The following COL4A6 variants were observed in gnomAD, a reference collection of about 807,000 sequenced individuals.
COL4A6 encodes collagen type IV alpha 6 chain, also known as collagen alpha-6(IV) chain.
Under a neutral mutation model 126.7 loss-of-function variants are expected in COL4A6, and 59 were observed. The observed-to-expected ratio is 0.47, with a 90% confidence interval of 0.38 to 0.58. COL4A6 has a LOEUF of 0.58. COL4A6 is among the 20% of genes least tolerant of loss of function. COL4A6 has a pLI of 0.00. For missense variants in COL4A6, 1,285 were observed against 1,337.3 expected (o/e 0.96, Z 0.61); for synonymous variants, 547 against 496.6 (o/e 1.10, Z -1.35).
At chrX:108,220,785 T>C (rs1206328124) in intron 4 of COL4A6, among the ~76,000 whole-genome samples, 2 of 112,674 alleles carry the variant, frequency 1.8e-5, no homozygotes, top group Non-Finnish European at 3.8e-5. Context: ...GGCTGATCCA[T>C]TGGCAGGCCA....
At chrX:108,329,722 A>G (rs1318696231) in intron 2 of COL4A6, among the ~76,000 whole-genome samples, 1 of 111,442 alleles carries the variant, frequency 9.0e-6, no homozygotes, top group Non-Finnish European at 1.9e-5. Flanking sequence ...ACATGGGAGG[A>G]GTTTCATTGT....
intron 2 of COL4A6, among the ~76,000 whole-genome samples, chrX:108,405,244 G>A (rs930675574): frequency 9.1e-6 from 1 of 109,376 alleles, no homozygotes; most frequent in African/African-American, 3.3e-5. Context: ...TTTCCCCCAG[G>A]CTGGAATGCA....
intron 5 of COL4A6, among the ~76,000 whole-genome samples, chrX:108,214,867 T>C (rs1474732903): frequency 1.8e-5 from 2 of 112,641 alleles, no homozygotes; most frequent in African/African-American, 3.2e-5. Flanking sequence ...GAGGCAGTTG[T>C]TTTGCTGGGG....
At chrX:108,377,563 T>C (rs759584606) in intron 2 of COL4A6, among the ~76,000 whole-genome samples, 1 of 108,780 alleles carries the variant, frequency 9.2e-6, no homozygotes, top group South Asian at 4.0e-4. Context: ...TTTCTTTTTT[T>C]TTTTTTTTTA....
At chrX:108,434,736 A>G (rs891305157) in intron 2 of COL4A6, among the ~76,000 whole-genome samples, 4 of 107,811 alleles carry the variant, frequency 3.7e-5, no homozygotes, top group African/African-American at 1.3e-4. Context: ...GTACTCATAC[A>G]TTTCTATCAG....
rs1173969077 is a variant in COL4A6, at chrX:108,169,520, G to A, written c.3666C>T (p.Gly1222=). 7.4e-6 allele frequency: 9 copies of A among 1,209,927 alleles called. No individual in the cohort carries two copies. Among genetic ancestry groups the A allele is most frequent in the Non-Finnish European group, 8.9e-6 (8 of 895,184 alleles). The change falls in exon 37 of 45, where the codon GGC becomes GGT. Residue 1222 remains glycine, a synonymous_variant. Coordinates refer to ENST00000334504, the MANE Select transcript of COL4A6 (RefSeq NM_033641.4). ...GIGIGAPGKP[G]LRGQKGDRGF... ...CTCGATCACCTTTTTGCCCTCTCAG[G>A]CCCGGCTTCCCTGGAGCTCCGATGC...
intron 3 of COL4A6, among the ~76,000 whole-genome samples, chrX:108,235,973 C>G (rs1053865001): frequency 2.2e-4 from 24 of 110,868 alleles, no homozygotes; most frequent in African/African-American, 7.5e-4. Context: ...GGCAGGAAGT[C>G]CCATGTTCTG....
chrX:108,192,222 G>A (rs1409351744), intron 18 of COL4A6, among the ~76,000 whole-genome samples: 1 of 111,940 alleles, frequency 8.9e-6, no homozygotes, highest in Non-Finnish European at 1.9e-5. Flanking sequence ...GCAAACCTCA[G>A]TGACAGTCTA....
At chrX:108,192,603 T>C (rs1450220725) in intron 17 of COL4A6, 23 bp from the exon 18 acceptor site, 2 of 1,077,423 alleles carry the variant, frequency 1.9e-6, no homozygotes. Flanking sequence ...TGAAAGAAAA[T>C]AGTAAATAAA....
intron 2 of COL4A6, among the ~76,000 whole-genome samples, chrX:108,431,847 G>A (rs2064178067): frequency 8.9e-6 from 1 of 111,789 alleles, no homozygotes; most frequent in Non-Finnish European, 1.9e-5. Flanking sequence ...TCTGAGAGCT[G>A]GGGCAGACTT....
At chrX:108,311,708 A>G (rs2038765213) in intron 2 of COL4A6, among the ~76,000 whole-genome samples, 1 of 111,826 alleles carries the variant, frequency 8.9e-6, no homozygotes, top group African/African-American at 3.3e-5. Flanking sequence ...CAGAGAGGCC[A>G]TTGCTGAGTC....
intron 4 of COL4A6, among the ~76,000 whole-genome samples, chrX:108,220,012 C>T (rs1256364007): frequency 9.0e-6 from 1 of 110,953 alleles, no homozygotes; most frequent in Non-Finnish European, 1.9e-5. Flanking sequence ...TACCTGCTGC[C>T]ATCTGGGGAA....
intron 3 of COL4A6, among the ~76,000 whole-genome samples, chrX:108,228,352 C>G (rs2036224029): frequency 8.9e-6 from 1 of 112,247 alleles, no homozygotes; most frequent in African/African-American, 3.2e-5. Context: ...TGGCCCATCA[C>G]CAACCTAATT....
At chrX:108,333,885 A>G (rs188218336) in intron 2 of COL4A6, among the ~76,000 whole-genome samples, 160 of 111,614 alleles carry the variant, frequency 1.4e-3, no homozygotes, top group African/African-American at 5.0e-3. Flanking sequence ...CACTGGTGAA[A>G]GAAATTGTAG....
intron 3 of COL4A6, among the ~76,000 whole-genome samples, chrX:108,284,987 T>A (rs186059111): frequency 2.8e-3 from 313 of 111,720 alleles, no homozygotes; most frequent in African/African-American, 9.5e-3. Flanking sequence ...TCTACCCCTA[T>A]CCTTCCTTTT....
intron 20 of COL4A6, 84 bp from the exon 21 acceptor site, chrX:108,188,761 GAAC>G: frequency 4.3e-6 from 4 of 927,349 alleles, no homozygotes; most frequent in Non-Finnish European, 4.3e-6. Context: ...TTTGTGACTT[GAAC>G]AACTCCATAG....
rs765997772 is a variant in COL4A6 at position 108,296,995 on chromosome X, C to T, written c.144+13753G>A. On this transcript the variant is annotated intron_variant, in intron 3 of 44. Coordinates refer to ENST00000334504, the MANE Select transcript of COL4A6 (RefSeq NM_033641.4). Reference sequence around the variant, plus strand: ...ACTGAGAGATTACCATTGTAATTAACAATGTGTTTGTCACTTGTGACCTTT... The same window carrying T: ...ACTGAGAGATTACCATTGTAATTAATAATGTGTTTGTCACTTGTGACCTTT... Among the ~76,000 whole-genome samples, 3 of 112,140 alleles carry T rather than the reference C, an allele frequency of 2.7e-5. No homozygotes were observed. In the East Asian group the frequency reaches 8.4e-4, roughly 31 times the overall value.
chrX:108,293,951 G>A (rs1395626518), intron 3 of COL4A6, among the ~76,000 whole-genome samples: 1 of 112,187 alleles, frequency 8.9e-6, no homozygotes, highest in Non-Finnish European at 1.9e-5. Flanking sequence ...GGCTGCCTAG[G>A]TTGATTCTAG....
chrX:108,362,306 T>TA (rs113672642), intron 2 of COL4A6, among the ~76,000 whole-genome samples: 131 of 112,023 alleles, frequency 1.2e-3, no homozygotes, highest in African/African-American at 3.8e-3. Context: ...ACAAAACATT[T>TA]TAAAAAAAGG....
Sources: allele counts gnomAD v4.1 joint callset (sites outside exome capture counted in the v4.1 genomes callset), GRCh38; gene constraint gnomAD v4.1.1; transcripts MANE v1.5; gene names NCBI Gene and HGNC (gene_info 2026-07-23, HGNC 2026-07-21).